Variants in ICMT observed in about 807,000 individuals in gnomAD.
The protein encoded by ICMT is isoprenylcysteine carboxyl methyltransferase, also known as protein-S-isoprenylcysteine O-methyltransferase.
Under a neutral mutation model 32.2 loss-of-function variants are expected in ICMT, and 10 were observed. The observed-to-expected ratio is 0.31, with a 90% CI of 0.19 to 0.53. The LOEUF (loss-of-function observed/expected upper bound fraction) is 0.53. Ranked by LOEUF, ICMT falls within the 20% of genes least tolerant of loss-of-function variation. The probability of loss-of-function intolerance (pLI) is 0.96; values close to 1 mark genes in which losing one functional copy is unlikely to be tolerated. For missense variants in ICMT, 265 were observed against 356.9 expected (o/e 0.74, Z 2.07); for synonymous variants, 183 against 158.2 (o/e 1.16, Z -1.18).
Position 6,235,963 on chromosome 1 carries a change from A to ACGCGCCGGCTGCAGCCCGGAGAAC in ICMT, c.-53_-52insGTTCTCCGGGCTGCAGCCGGCGCG. The ACGCGCCGGCTGCAGCCCGGAGAAC allele has an allele frequency of 1.0e-6, 1 of 976,676 alleles. No homozygotes were observed. Among genetic ancestry groups the ACGCGCCGGCTGCAGCCCGGAGAAC allele is most frequent in the Non-Finnish European group, 1.3e-6 (1 of 796,294 alleles). 60.5% of individuals were successfully genotyped at this position (976,676 alleles called of 1,614,324 possible). On this transcript the variant is annotated 5_prime_UTR_variant, in exon 1 of 5. Coordinates refer to ENST00000343813, the MANE Select transcript of ICMT (RefSeq NM_012405.4). ...GCGGCGCCGGCTGTAGCCCGGAGAA[A>ACGCGCCGGCTGCAGCCCGGAGAAC]CGCGCCGGCTGCGCCTGCGCACTGT...
At chr1:6,235,619 G>T in intron 1 of ICMT, 98 bp downstream of exon 1, 1 of 804,740 alleles carries the variant, frequency 1.2e-6, no homozygotes, top group Non-Finnish European at 1.6e-6. Flanking sequence ...GCGCGCGTGG[G>T]AGGCCACTGC....
chr1:6,225,140 C>G lies in ICMT; in HGVS notation c.795G>C (p.Glu265Asp), dbSNP rs969059488. The G allele has an allele frequency of 6.2e-7, 1 of 1,614,182 alleles. No individual in the cohort carries two copies. Among genetic ancestry groups the G allele is most frequent in the Non-Finnish European group, 8.5e-7 (1 of 1,180,024 alleles). Reference sequence around the variant, plus strand: ...GGCCCGTGGGCACCCTCTTCTTATACTCCAGGTACTCCTCTCCAAAAAAGT... The same window carrying G: ...GGCCCGTGGGCACCCTCTTCTTATAGTCCAGGTACTCCTCTCCAAAAAAGT... The part of the protein sequence containing the change: ...LIHFFGEEYL[E>D]YKKRVPTGLP... Residue 265 changes from glutamate to aspartate, a missense_variant, in exon 5 of 5, where the codon GAG becomes GAC. Coordinates refer to ENST00000343813, the MANE Select transcript of ICMT (RefSeq NM_012405.4).
In ICMT at chr1:6,235,033, T is replaced by TGCTG. The variant is rs1278032297; in HGVS notation, c.196-63_196-60dup. The stretch of plus-strand genomic sequence containing the variant: ...CAGTCCTCAGAGTACAGATCTGGGC[T>TGCTG]GCTGACCTTCCCGGAATAGGCAACC... On this transcript the variant is annotated intron_variant, in intron 1 of 4. Coordinates refer to ENST00000343813, the MANE Select transcript of ICMT (RefSeq NM_012405.4). The TGCTG allele has an allele frequency of 2.1e-6, 3 of 1,411,314 alleles. No homozygotes were observed. The African/African-American group carries it at 4.2e-5, about 20-fold the overall frequency. 87.4% of individuals were successfully genotyped at this position (1,411,314 alleles called of 1,614,324 possible).
Position 6,235,619 on chromosome 1 carries a change from G to C in ICMT, c.195+98C>G, listed in dbSNP as rs542436261. 9 of 804,740 alleles carry C rather than the reference G, an allele frequency of 1.1e-5. No homozygotes were observed. The South Asian group carries it at 4.0e-4, about 36-fold the overall frequency. 49.8% of individuals were successfully genotyped at this position (804,740 alleles called of 1,614,324 possible). ...TCGCGGATGAAGAGCGCGCGCGTGG[G>C]AGGCCACTGCGGGCCCGGGGAGAAA... On this transcript the variant is annotated intron_variant, in intron 1 of 4. Transcript: ENST00000343813.
intron 1 of ICMT, 81 bp downstream of exon 1, chr1:6,235,635 CG>C: frequency 2.0e-5 from 19 of 969,848 alleles, no homozygotes; most frequent in Non-Finnish European, 2.3e-5. Context: ...ACTGCGGGCC[CG>C]GGGAGAAAGG....
At chr1:6,229,108 C>T (rs749264231) in intron 4 of ICMT, among the ~76,000 whole-genome samples, 27 of 152,066 alleles carry the variant, frequency 1.8e-4, no homozygotes, top group Non-Finnish European at 2.8e-4. Flanking sequence ...GAGGCCGAGG[C>T]GGGTAGATCA....
At chr1:6,231,651 C>T (rs1668738772) in intron 4 of ICMT, among the ~76,000 whole-genome samples, 1 of 152,030 alleles carries the variant, frequency 6.6e-6, no homozygotes, top group Non-Finnish European at 1.5e-5. Flanking sequence ...CTTACGCACC[C>T]AGGTTCTGGG....
At chr1:6,228,080 G>A (rs1484652707) in intron 4 of ICMT, among the ~76,000 whole-genome samples, 2 of 152,328 alleles carry the variant, frequency 1.3e-5, no homozygotes, top group East Asian at 3.9e-4. Context: ...CAGAAGGTCT[G>A]CTGGAACCCA....
chr1:6,224,935 C>T lies in ICMT; in HGVS notation c.*145G>A. On this transcript the variant is annotated 3_prime_UTR_variant, in exon 5 of 5. Transcript: ENST00000343813. ...GGCCTTGGGTCCTCAGGCCTTCTGA[C>T]CGCTTGGTCTTGAGTGACATTCCAG... The T allele has an allele frequency of 1.3e-6, 1 of 778,306 alleles. No individual in the cohort carries two copies. Among genetic ancestry groups the T allele is most frequent in the East Asian group, 2.5e-5 (1 of 40,372 alleles). 48.2% of individuals were successfully genotyped at this position (778,306 alleles called of 1,614,324 possible). A position where few individuals can be genotyped will look rare whatever the true frequency, so the allele number is the denominator to read the frequency against.
chr1:6,226,213 T>C (rs1329598710), intron 4 of ICMT, among the ~76,000 whole-genome samples: 2 of 152,098 alleles, frequency 1.3e-5, no homozygotes, highest in Non-Finnish European at 2.9e-5. Flanking sequence ...TTGGCCAACA[T>C]GGCGAATCCC....
At position 6,232,061 on chromosome 1, in the gene ICMT, T is replaced by A; in HGVS notation, c.513A>T (p.Glu171Asp). 1 of 1,614,116 alleles carries A rather than the reference T, an allele frequency of 6.2e-7. No individual in the cohort carries two copies. Among genetic ancestry groups the A allele is most frequent in the Middle Eastern group, 1.6e-4 (1 of 6,062 alleles). The change falls in exon 4 of 5, where the codon GAA (glutamate) becomes GAT (aspartate). Residue 171 changes from glutamate to aspartate, a missense_variant. Glu to Asp is a conservative substitution (Grantham distance 45, BLOSUM62 2). Coordinates refer to ENST00000343813, the MANE Select transcript of ICMT (RefSeq NM_012405.4). ...TAAACATGGCCGCCTTCCTCAGACATTCTCCGAAGACCACCATCAGCAGCC... is the reference window on the plus strand; with the variant it reads ...TAAACATGGCCGCCTTCCTCAGACAATCTCCGAAGACCACCATCAGCAGCC... ...VTGLLMVVFG[E>D]CLRKAAMFTA...
At chr1:6,231,799 T>C (rs540424167) in intron 4 of ICMT, 103 bp downstream of exon 4, 21 of 718,204 alleles carry the variant, frequency 2.9e-5, no homozygotes, top group East Asian at 1.6e-4. Flanking sequence ...AAACCACTAA[T>C]TGTATATTTT....
chr1:6,232,095 C>A lies in ICMT; in HGVS notation c.479G>T (p.Ser160Ile), dbSNP rs1362181252. Residue 160 changes from serine to isoleucine, a missense_variant, in exon 4 of 5, where the codon AGT becomes ATT. Ser to Ile is a moderately radical substitution (Grantham distance 142, BLOSUM62 -2). Coordinates refer to ENST00000343813, the MANE Select transcript of ICMT (RefSeq NM_012405.4). ...WPELKQITWL[S>I]VTGLLMVVFG... ...GACCACCATCAGCAGCCCTGTGACA[C>A]TGAGCCAGGTAATCTGCTTCAGTTC... is the stretch of plus-strand genomic sequence containing the variant. 6.2e-7 allele frequency: 1 copy of A among 1,613,874 alleles called. No individual in the cohort carries two copies. The highest frequency in any genetic ancestry group is 8.5e-7 in the Non-Finnish European group (1 of 1,179,958).
Position 6,224,987 on chromosome 1 carries a change from T to C in ICMT, c.*93A>G. ...AGAGTGACTAATGACATAAAACGAT[T>C]AAGAAAATCCATGTGGCAGCGGCCA... On this transcript the variant is annotated 3_prime_UTR_variant, in exon 5 of 5. Transcript: ENST00000343813. 1 of 1,122,564 alleles carries C rather than the reference T, an allele frequency of 8.9e-7. No individual in the cohort carries two copies. The highest frequency in any genetic ancestry group is 1.3e-6 in the Non-Finnish European group (1 of 776,134). 69.5% of individuals were successfully genotyped at this position (1,122,564 alleles called of 1,614,324 possible).
intron 4 of ICMT, among the ~76,000 whole-genome samples, chr1:6,230,707 G>A (rs945878584): frequency 6.6e-6 from 1 of 151,326 alleles, no homozygotes; most frequent in Non-Finnish European, 1.5e-5. Flanking sequence ...GGCTAACACA[G>A]TCAAACCTCA....
At chr1:6,235,602 G>T in intron 1 of ICMT, 115 bp downstream of exon 1, 4 of 674,404 alleles carry the variant, frequency 5.9e-6, no homozygotes, top group Non-Finnish European at 7.7e-6. Flanking sequence ...ACTCGCGGAT[G>T]AAGAGCGCGC....
chr1:6,232,571 G>A (rs1039297786), intron 3 of ICMT, among the ~76,000 whole-genome samples: 7 of 152,140 alleles, frequency 4.6e-5, no homozygotes, highest in Admixed American at 1.3e-4. Flanking sequence ...TTTTTGAGAC[G>A]GAGTTTCACT....
At chr1:6,233,318 C>T (rs1335222532) in intron 3 of ICMT, among the ~76,000 whole-genome samples, 156 bp downstream of exon 3, 2 of 152,250 alleles carry the variant, frequency 1.3e-5, no homozygotes, top group African/African-American at 2.4e-5. Context: ...AATTCATGAG[C>T]GGAGCTCATC....
chr1:6,222,965 A>T lies in ICMT; in HGVS notation c.*2115T>A, dbSNP rs1301579635. On this transcript the variant is annotated 3_prime_UTR_variant, in exon 5 of 5. Transcript: ENST00000343813. ...AGAAATGATTCAACTCAAGTTCCTA[A>T]ACAGAGTAAGTGCCAGTTGATGTCC... 6.6e-6 allele frequency: 1 copy of T among 152,266 alleles called. No homozygotes were observed. The highest frequency in any genetic ancestry group is 1.5e-5 in the Non-Finnish European group (1 of 68,054). The allele number at this position is 152,266 out of a possible 1,614,324, so 9.4% of individuals were successfully genotyped here. A position where few individuals can be genotyped will look rare whatever the true frequency, so the allele number is the denominator to read the frequency against.
Sources: gnomAD v4.1 joint callset for allele counts (sites outside exome capture counted in the v4.1 genomes callset) on GRCh38, gnomAD v4.1.1 for gene constraint, MANE v1.5 for transcripts, NCBI Gene and HGNC (gene_info 2026-07-23, HGNC 2026-07-21) for gene names.